SYNDIG1L: variants seen among roughly 807,000 people sequenced by gnomAD.
SYNDIG1L encodes the protein synapse differentiation inducing 1 like.
In SYNDIG1L, 13 loss-of-function variants were observed where a neutral mutation model predicts 20.1. The observed-to-expected ratio is 0.65, with a 90% CI of 0.42 to 1.03. The LOEUF is 1.03. Among genes scored for constraint, SYNDIG1L ranks in the 50% least tolerant of loss-of-function variants. SYNDIG1L has a pLI of 0.00. For missense variants in SYNDIG1L, 294 were observed against 305.1 expected (o/e 0.96, Z 0.27); for synonymous variants, 128 against 129.3 (o/e 0.99, Z 0.07).
the SYNDIG1L span, among the ~76,000 whole-genome samples, chr14:74,472,865 C>T: frequency 6.6e-6 from 1 of 151,972 alleles, no homozygotes; most frequent in African/African-American, 2.4e-5. Context: ...ACTGATGTGG[C>T]TAGAGCAAAG....
intron 1 of SYNDIG1L, among the ~76,000 whole-genome samples, chr14:74,416,697 A>G (rs2086178516): frequency 6.6e-6 from 1 of 152,202 alleles, no homozygotes; most frequent in African/African-American, 2.4e-5. Flanking sequence ...ACTTAACAAA[A>G]TATGCTGCAA....
chr14:74,443,913 A>G, the SYNDIG1L span, among the ~76,000 whole-genome samples: 1 of 152,204 alleles, frequency 6.6e-6, no homozygotes, highest in African/African-American at 2.4e-5. Context: ...AGCATATTTC[A>G]GTTACATTTC....
the SYNDIG1L span, among the ~76,000 whole-genome samples, chr14:74,465,996 A>T: frequency 2.6e-5 from 4 of 152,252 alleles, no homozygotes; most frequent in Admixed American, 6.5e-5. Flanking sequence ...GGCCAGCAGC[A>T]GCTACTGCCA....
chr14:74,461,912 T>G, the SYNDIG1L span, among the ~76,000 whole-genome samples: 1 of 36,782 alleles, frequency 2.7e-5, no homozygotes, highest in African/African-American at 1.0e-4. Flanking sequence ...CGAAACCCTA[T>G]CTCAACAAAA....
At chr14:74,476,648 G>T in the SYNDIG1L span, 1 of 1,367,866 alleles carries the variant, frequency 7.3e-7, no homozygotes, top group Non-Finnish European at 1.0e-6. Flanking sequence ...GGAGCTGGCC[G>T]GATCCACTCA....
At chr14:74,457,926 T>G in the SYNDIG1L span, among the ~76,000 whole-genome samples, 53 of 151,986 alleles carry the variant, frequency 3.5e-4, no homozygotes, top group African/African-American at 1.3e-3. Context: ...GCCTCCTGAG[T>G]AGCTGGGACT....
At chr14:74,449,445 A>T in the SYNDIG1L span, among the ~76,000 whole-genome samples, 1 of 134,676 alleles carries the variant, frequency 7.4e-6, no homozygotes, top group Admixed American at 7.5e-5. Context: ...TTACAAAAAA[A>T]AAAAAAAAAA....
intron 1 of SYNDIG1L, among the ~76,000 whole-genome samples, chr14:74,423,970 A>T (rs1294168534): frequency 6.6e-6 from 1 of 152,100 alleles, no homozygotes; most frequent in African/African-American, 2.4e-5. Flanking sequence ...TCTGAGTCAC[A>T]CTTATGGCTT....
At chr14:74,452,539 G>A in the SYNDIG1L span, among the ~76,000 whole-genome samples, 2 of 152,154 alleles carry the variant, frequency 1.3e-5, no homozygotes, top group African/African-American at 2.4e-5. Context: ...CCATGATTGT[G>A]AGGCTTCCCC....
At chr14:74,428,108 G>A (rs887409251), upstream of SYNDIG1L, among the ~76,000 whole-genome samples, 7 of 152,274 alleles carry the variant, frequency 4.6e-5, no homozygotes, top group South Asian at 2.1e-4. Context: ...CTGGTGCCAG[G>A]AGACCCAGGT....
At chr14:74,425,682 T>C (rs1271103965) in intron 1 of SYNDIG1L, among the ~76,000 whole-genome samples, 1 of 152,114 alleles carries the variant, frequency 6.6e-6, no homozygotes, top group East Asian at 1.9e-4. Flanking sequence ...AGGCCTGATG[T>C]TGTGAGGTTA....
At chr14:74,429,607 T>C (rs72730172), upstream of SYNDIG1L, among the ~76,000 whole-genome samples, 603 of 152,312 alleles carry the variant, frequency 4.0e-3, 1 homozygote, top group Non-Finnish European at 6.4e-3. Context: ...ACCTCGGAGT[T>C]GAGCTCACGG....
intron 1 of SYNDIG1L, among the ~76,000 whole-genome samples, chr14:74,418,755 T>C (rs1405697856): frequency 6.6e-6 from 1 of 152,166 alleles, no homozygotes; most frequent in Non-Finnish European, 1.5e-5. Context: ...GGAAAGGCCA[T>C]GTGTGTATAG....
At chr14:74,434,113 C>T in the SYNDIG1L span, among the ~76,000 whole-genome samples, 1 of 152,146 alleles carries the variant, frequency 6.6e-6, no homozygotes, top group African/African-American at 2.4e-5. Context: ...GGAATTAAAA[C>T]AAAATGCTAT....
intron 1 of SYNDIG1L, among the ~76,000 whole-genome samples, chr14:74,425,606 G>A (rs1172062149): frequency 1.3e-5 from 2 of 152,196 alleles, no homozygotes; most frequent in Admixed American, 1.3e-4. Flanking sequence ...GGGAGTCTGA[G>A]GCTCTAATCA....
the SYNDIG1L span, among the ~76,000 whole-genome samples, chr14:74,469,631 G>A: frequency 6.6e-6 from 1 of 152,312 alleles, no homozygotes; most frequent in African/African-American, 2.4e-5. Flanking sequence ...ATCACCTGTC[G>A]CCTGAAGGGT....
chr14:74,428,127 C>T (rs1169477508), upstream of SYNDIG1L, among the ~76,000 whole-genome samples: 1 of 152,256 alleles, frequency 6.6e-6, no homozygotes, highest in South Asian at 2.1e-4. Flanking sequence ...GTTCTAGTCT[C>T]GCCTTTGTCA....
the SYNDIG1L span, among the ~76,000 whole-genome samples, chr14:74,468,889 C>A: frequency 2.0e-5 from 3 of 152,216 alleles, no homozygotes; most frequent in African/African-American, 7.2e-5. Context: ...TATCTCCTCC[C>A]CTCCAGGAAC....
chr14:74,423,831 G>A (rs902787195), intron 1 of SYNDIG1L, among the ~76,000 whole-genome samples: 1 of 151,996 alleles, frequency 6.6e-6, no homozygotes, highest in African/African-American at 2.4e-5. Flanking sequence ...ATGGCCAATG[G>A]TGGGGTCCCT....
Sources: gnomAD v4.1 joint callset for allele counts (sites outside exome capture counted in the v4.1 genomes callset) on GRCh38, gnomAD v4.1.1 for gene constraint, MANE v1.5 for transcripts, NCBI Gene and HGNC (gene_info 2026-07-23, HGNC 2026-07-21) for gene names.